TTC7B: variants seen among roughly 807,000 people sequenced by gnomAD.
TTC7B encodes tetratricopeptide repeat domain 7B.
A neutral mutation model predicts 106.8 loss-of-function variants in TTC7B; 28 were observed. The observed-to-expected ratio is 0.26, with a 90% CI of 0.19 to 0.36. TTC7B has a LOEUF of 0.36. Among genes scored for constraint, TTC7B ranks in the 10% least tolerant of loss-of-function variants. TTC7B has a pLI of 1.00. For missense variants in TTC7B, 862 were observed against 1,076.4 expected (o/e 0.80, Z 2.79); for synonymous variants, 405 against 430.6 (o/e 0.94, Z 0.74).
intron 14 of TTC7B, among the ~76,000 whole-genome samples, chr14:90,645,335 T>C (rs1211286099): frequency 6.6e-6 from 1 of 152,178 alleles, no homozygotes; most frequent in Non-Finnish European, 1.5e-5. Context: ...GAATCACAGC[T>C]CTCACAGTTG....
At chr14:90,669,362 G>T (rs1332823431) in intron 9 of TTC7B, among the ~76,000 whole-genome samples, 1 of 152,102 alleles carries the variant, frequency 6.6e-6, no homozygotes, top group Non-Finnish European at 1.5e-5. Flanking sequence ...TAGATACACT[G>T]GACTTAATCA....
At chr14:90,625,378 C>T (rs1415533864) in intron 15 of TTC7B, among the ~76,000 whole-genome samples, 1 of 152,212 alleles carries the variant, frequency 6.6e-6, no homozygotes, top group Non-Finnish European at 1.5e-5. Context: ...TTTCAGGTTC[C>T]CATGTGGCTG....
At chr14:90,662,172 A>G (rs1886234339) in intron 9 of TTC7B, among the ~76,000 whole-genome samples, 1 of 152,256 alleles carries the variant, frequency 6.6e-6, no homozygotes, top group Admixed American at 6.5e-5. Context: ...AAGAGAAGCG[A>G]TAGGAATGTG....
intron 2 of TTC7B, among the ~76,000 whole-genome samples, chr14:90,783,781 AC>A (rs2140038602): frequency 6.6e-6 from 1 of 152,284 alleles, no homozygotes; most frequent in Admixed American, 6.5e-5. Flanking sequence ...TATTAAAAAT[AC>A]AAAAATTAGC....
At chr14:90,669,552 A>C (rs1313171997) in intron 9 of TTC7B, among the ~76,000 whole-genome samples, 21 of 142,672 alleles carry the variant, frequency 1.5e-4, no homozygotes, top group South Asian at 2.2e-4. Flanking sequence ...AAAAAAAAGC[A>C]GGTGTGGTAT....
rs1315675083 is a variant in TTC7B at position 90,816,076 on chromosome 14, G to A, written c.121+99C>T. Reference sequence around the variant, plus strand: ...CGCAGCTCCCTCGCGGCCCGGCCGCGCCCCTGCCCGCGCCCCGCGCCCGGC... The same window carrying A: ...CGCAGCTCCCTCGCGGCCCGGCCGCACCCCTGCCCGCGCCCCGCGCCCGGC... On this transcript the variant is annotated intron_variant, in intron 1 of 19. Coordinates refer to ENST00000328459, the MANE Select transcript of TTC7B (RefSeq NM_001010854.2). 7 of 976,624 alleles carry A rather than the reference G, an allele frequency of 7.2e-6. No individual in the cohort carries two copies. In the South Asian group the frequency reaches 1.8e-4, roughly 26 times the overall value. The allele number at this position is 976,624 out of a possible 1,614,324, so 60.5% of individuals were successfully genotyped here.
intron 5 of TTC7B, among the ~76,000 whole-genome samples, chr14:90,724,960 AC>A (rs1330492442): frequency 2.0e-5 from 3 of 152,318 alleles, no homozygotes; most frequent in Admixed American, 2.0e-4. Context: ...CTTTAAAGGT[AC>A]TAATGTTTAT....
At chr14:90,765,781 G>A (rs181437337) in intron 3 of TTC7B, among the ~76,000 whole-genome samples, 37 of 152,274 alleles carry the variant, frequency 2.4e-4, no homozygotes, top group African/African-American at 8.7e-4. Flanking sequence ...CAAATATTGG[G>A]TATCTGTGTT....
chr14:90,786,535 C>T (rs1891395762), intron 1 of TTC7B, among the ~76,000 whole-genome samples: 1 of 152,126 alleles, frequency 6.6e-6, no homozygotes, highest in Non-Finnish European at 1.5e-5. Context: ...GTAGCATGTA[C>T]TCAAATAGGT....
chr14:90,555,970 T>C lies in TTC7B; in HGVS notation c.2311-14381A>G, dbSNP rs146989604. Reference sequence around the variant, plus strand: ...GAATCCCGGTGCCCCGGGGTCCACATGAGCTCCCTGCCGGCTGCAGCCTAA... The same window carrying C: ...GAATCCCGGTGCCCCGGGGTCCACACGAGCTCCCTGCCGGCTGCAGCCTAA... On this transcript the variant is annotated intron_variant, in intron 19 of 19. Transcript: ENST00000328459. Among the ~76,000 whole-genome samples, 3 of 152,318 alleles carry C rather than the reference T, an allele frequency of 2.0e-5. No individual in the cohort carries two copies. In the East Asian group the frequency reaches 5.8e-4, roughly 29 times the overall value.
At position 90,736,756 on chromosome 14, in the gene TTC7B, G is replaced by A. The variant is rs566595920; in HGVS notation, c.577-6560C>T. Among the ~76,000 whole-genome samples, 20 of 151,760 alleles carry A rather than the reference G, an allele frequency of 1.3e-4. No homozygotes were observed. In the South Asian group the frequency reaches 2.5e-3, roughly 19 times the overall value. Reference sequence around the variant, plus strand: ...AAATAGGCCGGGCATAGTGGCATGCGGCTGTAGTCCCAGCTAACTGGGAGG... The same window carrying A: ...AAATAGGCCGGGCATAGTGGCATGCAGCTGTAGTCCCAGCTAACTGGGAGG... On this transcript the variant is annotated intron_variant, in intron 4 of 19. Transcript: ENST00000328459.
At chr14:90,728,337 CAAAAA>C in intron 5 of TTC7B, among the ~76,000 whole-genome samples, 1 of 40,048 alleles carries the variant, frequency 2.5e-5, no homozygotes, top group South Asian at 1.7e-3. Flanking sequence ...GTCCCCCCCG[CAAAAA>C]AAAAAAAAAA....
intron 11 of TTC7B, among the ~76,000 whole-genome samples, 180 bp downstream of exon 11, chr14:90,656,994 G>A (rs950563970): frequency 6.6e-6 from 1 of 152,206 alleles, no homozygotes; most frequent in Non-Finnish European, 1.5e-5. Flanking sequence ...GTCCTTGGGG[G>A]AGTGGATGAG....
At position 90,532,423 on chromosome 14, in the gene TTC7B, A is replaced by C. The variant is rs1471211847; in HGVS notation, c.*8945T>G. 5 of 152,132 alleles carry C rather than the reference A, an allele frequency of 3.3e-5. No homozygotes were observed. The highest frequency in any genetic ancestry group is 2.1e-4 in the South Asian group (1 of 4,824). 9.4% of individuals were successfully genotyped at this position (152,132 alleles called of 1,614,324 possible). A position where few individuals can be genotyped will look rare whatever the true frequency, so the allele number is the denominator to read the frequency against. ...GTGAGGATGGGCCAGCCCTTTTGCAAACTGGCTGGGCCTAGTCATCTGGTA... is the reference window on the plus strand; with the variant it reads ...GTGAGGATGGGCCAGCCCTTTTGCACACTGGCTGGGCCTAGTCATCTGGTA... On this transcript the variant is annotated 3_prime_UTR_variant, in exon 20 of 20. Transcript: ENST00000328459.
chr14:90,631,982 G>A (rs982485018), intron 15 of TTC7B, among the ~76,000 whole-genome samples: 10 of 152,018 alleles, frequency 6.6e-5, no homozygotes, highest in South Asian at 2.1e-4. Context: ...GTTTTGTTTC[G>A]TTTTGTTAGG....
intron 9 of TTC7B, among the ~76,000 whole-genome samples, chr14:90,664,655 T>TG (rs756146810): frequency 1.6e-4 from 25 of 152,244 alleles, no homozygotes; most frequent in Middle Eastern, 6.8e-3. Flanking sequence ...GTTCTGTGCA[T>TG]GGGGGGCATA....
Position 90,541,503 on chromosome 14 carries a change from C to A in TTC7B, c.2397G>T (p.Glu799Asp). 1 of 1,614,106 alleles carries A rather than the reference C, an allele frequency of 6.2e-7. No individual in the cohort carries two copies. The change falls in exon 20 of 20, where the codon GAG becomes GAT. Residue 799 changes from glutamate (E) to aspartate (D), a missense_variant. Transcript: ENST00000328459. ...DAVQVNSTAH[E>D]VWNGLGEVLQ... ...GGACCTCGCCCAGCCCGTTCCAGAC[C>A]TCGTGGGCTGTCGAGTTCACCTGCA...
Position 90,538,476 on chromosome 14 carries a change from C to T in TTC7B, c.*2892G>A, listed in dbSNP as rs1164562665. ...CACAGAGTCTGGTTCCAGGCAAGGG[C>T]TTGAGAAGCCATCAGGGGTTTATAG... is the stretch of plus-strand genomic sequence containing the variant. On this transcript the variant is annotated 3_prime_UTR_variant, in exon 20 of 20. Transcript: ENST00000328459. 1 of 152,372 alleles carries T rather than the reference C, an allele frequency of 6.6e-6. No homozygotes were observed. Among genetic ancestry groups the T allele is most frequent in the Non-Finnish European group, 1.5e-5 (1 of 68,194 alleles). 9.4% of individuals were successfully genotyped at this position (152,372 alleles called of 1,614,324 possible).
intron 5 of TTC7B, among the ~76,000 whole-genome samples, chr14:90,706,542 T>C (rs1888219380): frequency 6.6e-6 from 1 of 152,218 alleles, no homozygotes; most frequent in Non-Finnish European, 1.5e-5. Flanking sequence ...TGTTTTATGT[T>C]TTCCATTTAT....
Sources: allele counts gnomAD v4.1 joint callset (sites outside exome capture counted in the v4.1 genomes callset), GRCh38; gene constraint gnomAD v4.1.1; transcripts MANE v1.5; gene names NCBI Gene and HGNC (gene_info 2026-07-23, HGNC 2026-07-21).